The following MED27 variants were observed in gnomAD, a reference collection of about 807,000 sequenced individuals.
MED27 encodes the protein mediator of RNA polymerase II transcription subunit 27.
Under a neutral mutation model 38.2 loss-of-function variants are expected in MED27, and 30 were observed. The ratio of observed to expected loss-of-function variants is 0.79; its 90% CI spans 0.59 to 1.07. The LOEUF is 1.07. Among genes scored for constraint, MED27 ranks in the 50% least tolerant of loss-of-function variants. The pLI, the probability that MED27 is intolerant of heterozygous loss-of-function variation, is 0.00. For missense variants in MED27, 289 were observed against 397.5 expected (o/e 0.73, Z 2.32); for synonymous variants, 122 against 153.5 (o/e 0.79, Z 1.52).
intron 2 of MED27, among the ~76,000 whole-genome samples, chr9:132,057,355 A>C (rs1027512386): frequency 6.6e-6 from 1 of 152,184 alleles, no homozygotes; most frequent in Non-Finnish European, 1.5e-5. Context: ...CTGGGGACCA[A>C]ATGAGAAACA....
intron 2 of MED27, among the ~76,000 whole-genome samples, chr9:132,050,772 T>C (rs1480122921): frequency 6.6e-6 from 1 of 152,200 alleles, no homozygotes; most frequent in Non-Finnish European, 1.5e-5. Context: ...CACCCCCGTC[T>C]TTCTGTAGCC....
At chr9:132,002,040 A>C (rs563837231) in intron 3 of MED27, among the ~76,000 whole-genome samples, 3 of 152,328 alleles carry the variant, frequency 2.0e-5, no homozygotes, top group East Asian at 3.9e-4. Context: ...TCAGCTGGCT[A>C]GTCCCTTTAA....
rs1054081786 is a variant in MED27 at position 131,952,862 on chromosome 9, C to A, written c.480-13388G>T. ...CCTAGTCCCTTATGGGTTCCTTATA[C>A]CCTGCCCACACCTTTGGAAACAGTC... On this transcript the variant is annotated intron_variant, in intron 3 of 7. Coordinates refer to ENST00000292035, the MANE Select transcript of MED27 (RefSeq NM_004269.4). 5.3e-5 allele frequency among the ~76,000 whole-genome samples: 8 copies of A among 152,356 alleles called. No individual in the cohort carries two copies. The East Asian group carries it at 1.4e-3, about 26-fold the overall frequency.
intron 2 of MED27, among the ~76,000 whole-genome samples, chr9:132,026,924 G>C (rs998781662): frequency 1.3e-5 from 2 of 152,234 alleles, no homozygotes; most frequent in Non-Finnish European, 2.9e-5. Flanking sequence ...AGAAAATTGA[G>C]GCACAGACGT....
chr9:131,894,087 A>C (rs1829783346), intron 4 of MED27, 95 bp from the exon 5 acceptor site: 2 of 831,514 alleles, frequency 2.4e-6, no homozygotes, highest in Admixed American at 3.8e-5. Context: ...CAATCCAGTG[A>C]GACTGGATTC....
chr9:131,868,062 A>T (rs2131454063), intron 6 of MED27, among the ~76,000 whole-genome samples: 1 of 152,350 alleles, frequency 6.6e-6, no homozygotes, highest in East Asian at 1.9e-4. Flanking sequence ...TACCAGTTTC[A>T]CAGTGGGCAC....
At chr9:131,894,073 T>G in intron 4 of MED27, 81 bp from the exon 5 acceptor site, 1 of 1,000,848 alleles carries the variant, frequency 1.0e-6, no homozygotes, top group Non-Finnish European at 1.6e-6. Flanking sequence ...AATGACCACC[T>G]GGCCAATCCA....
chr9:132,028,873 C>T (rs935303631), intron 2 of MED27, among the ~76,000 whole-genome samples: 4 of 152,080 alleles, frequency 2.6e-5, no homozygotes, highest in African/African-American at 9.7e-5. Flanking sequence ...TAACAAGCAC[C>T]CCCAGGCAGC....
chr9:132,039,647 C>T (rs1386336090), intron 2 of MED27, among the ~76,000 whole-genome samples: 1 of 152,074 alleles, frequency 6.6e-6, no homozygotes, highest in Non-Finnish European at 1.5e-5. Flanking sequence ...AGGAGGGGAA[C>T]CCTACTTCAA....
chr9:132,073,636 A>C (rs1223202066), intron 2 of MED27: 2 of 1,453,474 alleles, frequency 1.4e-6, no homozygotes, highest in African/African-American at 2.9e-5. Context: ...GCAGTAACTT[A>C]GTCATTAAGC....
At position 131,997,419 on chromosome 9, in the gene MED27, A is replaced by C. The variant is rs1020018482; in HGVS notation, c.479+16918T>G. 7.2e-5 allele frequency among the ~76,000 whole-genome samples: 11 copies of C among 152,176 alleles called. No homozygotes were observed. Among genetic ancestry groups the C allele is most frequent in the African/African-American group, 2.7e-4 (11 of 41,436 alleles). ...TCACAGCCTTCCTGGAGCCACCTGC[A>C]TATGGTGACTGAGTGAGGCAGGGGT... On this transcript the variant is annotated intron_variant, in intron 3 of 7. Coordinates refer to ENST00000292035, the MANE Select transcript of MED27 (RefSeq NM_004269.4). This position sits in a 1 kb window ranked among gnomAD's most constrained non-coding sequence, Gnocchi z 4.0.
At chr9:131,893,797 A>T in intron 5 of MED27, 88 bp downstream of exon 5, 2 of 872,660 alleles carry the variant, frequency 2.3e-6, no homozygotes, top group Non-Finnish European at 3.8e-6. Context: ...TATGATTGCT[A>T]GTTTTTAATG....
intron 4 of MED27, among the ~76,000 whole-genome samples, chr9:131,927,045 CTGTT>C (rs1414170597): frequency 5.3e-5 from 8 of 152,154 alleles, no homozygotes; most frequent in African/African-American, 1.9e-4. Context: ...AATATTTTGA[CTGTT>C]TGAAGAAAAT....
rs1221601368 is a variant in MED27 at position 131,889,387 on chromosome 9, CA to C, written c.681+4497del. ...CCCAAAAAGTTAAATTCGAACGAGA[CA>C]CATTTTTTTTTCAGTTAAGTCTGAC... On this transcript the variant is annotated intron_variant, in intron 5 of 7. Transcript: ENST00000292035. This position sits in a 1 kb window ranked among gnomAD's most constrained non-coding sequence, Gnocchi z 4.2. Among the ~76,000 whole-genome samples the C allele has an allele frequency of 3.3e-5, 5 of 152,092 alleles. No homozygotes were observed. The East Asian group carries it at 9.6e-4, about 29-fold the overall frequency.
At chr9:131,903,864 A>T (rs1829999642) in intron 4 of MED27, among the ~76,000 whole-genome samples, 1 of 148,966 alleles carries the variant, frequency 6.7e-6, no homozygotes, top group Non-Finnish European at 1.5e-5. Context: ...AATAGTTGGG[A>T]CTATAGGCAT....
At chr9:132,042,259 G>A (rs1256990440) in intron 2 of MED27, among the ~76,000 whole-genome samples, 3 of 152,240 alleles carry the variant, frequency 2.0e-5, no homozygotes, top group African/African-American at 7.2e-5. Flanking sequence ...ATTAACCCAT[G>A]CTGTGTGCCA....
chr9:132,079,596 G>C (rs1564353222), intron 1 of MED27, 46 bp downstream of exon 1: 1 of 1,590,868 alleles, frequency 6.3e-7, no homozygotes, highest in Admixed American at 1.7e-5. Context: ...GGGCAGGGTC[G>C]GAGCGGGGCC....
At position 132,077,431 on chromosome 9, in the gene MED27, A is replaced by G; in HGVS notation, c.348+11T>C. ...TCCATATATTAGCTCCGTTTATTAC[A>G]TCTCCCTTACCTTGTTTGACCACTT... On this transcript the variant is annotated intron_variant, in intron 2 of 7. Transcript: ENST00000292035. The G allele has an allele frequency of 6.2e-7, 1 of 1,611,382 alleles. No homozygotes were observed. Among genetic ancestry groups the G allele is most frequent in the African/African-American group, 1.3e-5 (1 of 74,922 alleles).
chr9:131,948,282 C>G (rs902398910), intron 3 of MED27, among the ~76,000 whole-genome samples: 1 of 151,928 alleles, frequency 6.6e-6, no homozygotes, highest in South Asian at 2.1e-4. Context: ...GTCAGGAGTT[C>G]GAGACCAACA....
Sources: allele counts gnomAD v4.1 joint callset (sites outside exome capture counted in the v4.1 genomes callset), GRCh38; gene constraint gnomAD v4.1.1; non-coding constraint Gnocchi (gnomAD v3.1); transcripts MANE v1.5; gene names NCBI Gene and HGNC (gene_info 2026-07-23, HGNC 2026-07-21).